The following PCDH17 variants were observed in gnomAD, a reference collection of about 807,000 sequenced individuals.
The protein encoded by PCDH17 is protocadherin 17, also known as protocadherin-17.
A neutral mutation model predicts 67.7 loss-of-function variants in PCDH17; 21 were observed. That is an observed-to-expected ratio of 0.31 (90% CI 0.22 to 0.45). The LOEUF is 0.45. PCDH17 is among the 20% of genes least tolerant of loss of function. The pLI, the probability that PCDH17 is intolerant of heterozygous loss-of-function variation, is 1.00. For synonymous variants in PCDH17, 701 were observed against 656.7 expected (o/e 1.07, Z -1.03); for missense variants, 1,471 against 1,564.8 (o/e 0.94, Z 1.01).
intron 3 of PCDH17, chr13:57,709,537 T>C (rs1047002390): frequency 2.0e-5 from 3 of 151,882 alleles, no homozygotes; most frequent in Admixed American, 6.6e-5. Context: ...GACCATATCT[T>C]TTAGATATTG....
intron 3 of PCDH17, among the ~76,000 whole-genome samples, chr13:57,695,145 A>G (rs1372481478): frequency 6.6e-6 from 1 of 151,284 alleles, no homozygotes; most frequent in Non-Finnish European, 1.5e-5. Flanking sequence ...TTTCCTTTCT[A>G]AATAAATTAA....
At chr13:57,709,871 A>G (rs982273147) in intron 3 of PCDH17, 6 of 152,096 alleles carry the variant, frequency 3.9e-5, no homozygotes, top group African/African-American at 1.5e-4. Context: ...TATTTCTTTA[A>G]AGGAAAATAG....
chr13:57,640,492 T>G (rs1290063990), intron 1 of PCDH17, among the ~76,000 whole-genome samples: 9 of 152,090 alleles, frequency 5.9e-5, no homozygotes, highest in Non-Finnish European at 1.2e-4. Flanking sequence ...AAAGTATTTC[T>G]TCTCTAAGGA....
chr13:57,706,435 T>TATATTTTG (rs2049676609), intron 3 of PCDH17, among the ~76,000 whole-genome samples: 1 of 152,198 alleles, frequency 6.6e-6, no homozygotes, highest in Non-Finnish European at 1.5e-5. Context: ...GTAGGCATTT[T>TATATTTTG]ATATTTTGAA....
intron 3 of PCDH17, among the ~76,000 whole-genome samples, chr13:57,688,543 G>A (rs1955528375): frequency 6.6e-6 from 1 of 151,974 alleles, no homozygotes; most frequent in African/African-American, 2.4e-5. Flanking sequence ...TGATTTGTAT[G>A]TGTGTGCACA....
intron 3 of PCDH17, among the ~76,000 whole-genome samples, chr13:57,693,116 A>T (rs1401502059): frequency 1.3e-5 from 2 of 150,496 alleles, no homozygotes; most frequent in African/African-American, 4.9e-5. Flanking sequence ...GCCTGTTGTC[A>T]AGATTTCCAC....
Position 57,632,868 on chromosome 13 carries a change from G to C in PCDH17, c.322G>C (p.Val108Leu). The change falls in exon 1 of 4, where the codon GTG becomes CTG. Residue 108 changes from valine (V) to leucine (L), a missense_variant. Transcript: ENST00000377918. ...HNAKCQLSLE[V>L]FANDKEICMI... The stretch of plus-strand genomic sequence containing the variant: ...TGCCAAGTGCCAGCTGTCCCTCGAG[G>C]TGTTCGCCAACGACAAGGAGATCTG... The C allele has an allele frequency of 6.2e-7, 1 of 1,614,044 alleles. No individual in the cohort carries two copies. The highest frequency in any genetic ancestry group is 1.1e-5 in the South Asian group (1 of 91,082).
Position 57,632,905 on chromosome 13 carries a change from T to TAG in PCDH17, c.363_364dup (p.Ile122ArgfsTer93). The TAG allele has an allele frequency of 6.2e-7, 1 of 1,614,006 alleles. No homozygotes were observed. The highest frequency in any genetic ancestry group is 8.5e-7 in the Non-Finnish European group (1 of 1,180,008). The stretch of plus-strand genomic sequence containing the variant: ...GACAAGGAGATCTGCATGATCAAGG[T>TAG]AGAGATCCAGGACATCAACGACAAC... On this transcript the variant is annotated frameshift_variant, in exon 1 of 4. Coordinates refer to ENST00000377918, the MANE Select transcript of PCDH17 (RefSeq NM_001040429.3). LOFTEE classifies it high-confidence loss of function.
At chr13:57,646,206 CAT>C (rs1342645367) in intron 1 of PCDH17, among the ~76,000 whole-genome samples, 1 of 151,544 alleles carries the variant, frequency 6.6e-6, no homozygotes, top group Non-Finnish European at 1.5e-5. Flanking sequence ...GAATCTGTCA[CAT>C]ATATGTGGTA....
chr13:57,674,308 T>G (rs956797913), intron 3 of PCDH17, among the ~76,000 whole-genome samples: 1 of 151,868 alleles, frequency 6.6e-6, no homozygotes, highest in Non-Finnish European at 1.5e-5. Flanking sequence ...AATGACAATA[T>G]TTTGTTTTAT....
chr13:57,692,752 A>G (rs1955570580), intron 3 of PCDH17, among the ~76,000 whole-genome samples: 1 of 151,078 alleles, frequency 6.6e-6, no homozygotes, highest in East Asian at 1.9e-4. Flanking sequence ...AAAGGGGAGA[A>G]GAAAAGCTTG....
intron 1 of PCDH17, among the ~76,000 whole-genome samples, chr13:57,647,517 T>C (rs1440117857): frequency 6.6e-6 from 1 of 151,796 alleles, no homozygotes; most frequent in African/African-American, 2.4e-5. Context: ...ACCAGATAAA[T>C]GTTTAACTAT....
At chr13:57,669,459 T>G (rs1293083095) in intron 3 of PCDH17, among the ~76,000 whole-genome samples, 17 of 151,882 alleles carry the variant, frequency 1.1e-4, no homozygotes, top group Non-Finnish European at 1.9e-4. Context: ...TTTGTCTACT[T>G]CTCATCTATA....
At chr13:57,668,989 C>T (rs550320059) in intron 3 of PCDH17, among the ~76,000 whole-genome samples, 5 of 152,056 alleles carry the variant, frequency 3.3e-5, no homozygotes, top group Admixed American at 1.3e-4. Context: ...TATCTCTCCC[C>T]GCTCCCCCCA....
intron 3 of PCDH17, among the ~76,000 whole-genome samples, chr13:57,695,905 A>C (rs540378910): frequency 4.2e-4 from 63 of 151,560 alleles, no homozygotes; most frequent in African/African-American, 1.4e-3. Flanking sequence ...TGTTTCATAT[A>C]AAAGTAGACA....
Position 57,666,642 on chromosome 13 carries a change from T to A in PCDH17, c.2625-19T>A, listed in dbSNP as rs753327985. ...GTAGAGACAACACTTTCTCTTCTTT[T>A]TCTTTATATGTATTTCAGTAGCTCC... On this transcript the variant is annotated intron_variant, in intron 2 of 3. Coordinates refer to ENST00000377918, the MANE Select transcript of PCDH17 (RefSeq NM_001040429.3). 1 of 1,609,014 alleles carries A rather than the reference T, an allele frequency of 6.2e-7. No individual in the cohort carries two copies. Among genetic ancestry groups the A allele is most frequent in the East Asian group, 2.2e-5 (1 of 44,794 alleles).
chr13:57,700,815 A>T (rs1379233821), intron 3 of PCDH17, among the ~76,000 whole-genome samples: 1 of 152,178 alleles, frequency 6.6e-6, no homozygotes, highest in South Asian at 2.1e-4. Context: ...AAAAATTCAG[A>T]ACAAACACTT....
chr13:57,688,691 T>C (rs1277181044), intron 3 of PCDH17, among the ~76,000 whole-genome samples: 1 of 152,066 alleles, frequency 6.6e-6, no homozygotes, highest in East Asian at 1.9e-4. Flanking sequence ...TTCCACATCA[T>C]TGTAATGAAT....
At chr13:57,677,956 GTT>G (rs1955410980) in intron 3 of PCDH17, among the ~76,000 whole-genome samples, 1 of 151,700 alleles carries the variant, frequency 6.6e-6, no homozygotes, top group Non-Finnish European at 1.5e-5. Context: ...TGTAATTACA[GTT>G]AGAAGAAATA....
Sources: gnomAD v4.1 joint callset for allele counts (sites outside exome capture counted in the v4.1 genomes callset) on GRCh38, gnomAD v4.1.1 for gene constraint, MANE v1.5 for transcripts, NCBI Gene and HGNC (gene_info 2026-07-23, HGNC 2026-07-21) for gene names.